PET117: variants seen among roughly 807,000 people sequenced by gnomAD.
PET117 encodes protein PET117 homolog, mitochondrial.
A neutral mutation model predicts 9.2 loss-of-function variants in PET117; 10 were observed. The ratio of observed to expected loss-of-function variants is 1.09; its 90% CI spans 0.67 to 1.85. PET117 has a LOEUF of 1.85. Among genes scored for constraint, PET117 ranks in the 40% most tolerant of loss-of-function variants. The pLI is 0.00. For missense variants in PET117, 96 were observed against 98.2 expected (o/e 0.98, Z 0.09); for synonymous variants, 43 against 37.1 (o/e 1.16, Z -0.57).
In PET117 at chr20:18,142,928, C is replaced by G; in HGVS notation, c.*571C>G. ...AAAATGGATACCAGCCAGTAAGGAG[C>G]TTCTCAATTCCTTTGATTTGTCAAT... On this transcript the variant is annotated 3_prime_UTR_variant, in exon 2 of 2. Transcript: ENST00000432901. 6.2e-7 allele frequency: 1 copy of G among 1,610,282 alleles called. No homozygotes were observed. The highest frequency in any genetic ancestry group is 1.3e-5 in the African/African-American group (1 of 75,002).
rs772427555 is a variant in PET117, at chr20:18,142,685, AGTC to A, written c.*329_*331del. ...GATGGATAGTAGCATCCACCTGAGT[AGTC>A]TGATCAGTCGGCATGATGACGAAGC... On this transcript the variant is annotated 3_prime_UTR_variant, in exon 2 of 2. Coordinates refer to ENST00000432901, the MANE Select transcript of PET117 (RefSeq NM_001164811.2). The A allele has an allele frequency of 1.1e-5, 17 of 1,614,098 alleles. No individual in the cohort carries two copies. In the South Asian group the frequency reaches 1.1e-4, roughly 10 times the overall value.
chr20:18,138,501 C>G (rs752593845), intron 1 of PET117: 1 of 975,922 alleles, frequency 1.0e-6, no homozygotes, highest in Non-Finnish European at 1.2e-6. Flanking sequence ...CCTCCTGGCC[C>G]AAGGTTGGGG....
rs1600214640 is a variant in PET117 at position 18,143,001 on chromosome 20, TAA to T, written c.*647_*648del. ...CCAACCTGTGAAAGAAACGTGAATG[TAA>T]AAGAGACCTAAATAAAAGGATAATT... On this transcript the variant is annotated 3_prime_UTR_variant, in exon 2 of 2. Coordinates refer to ENST00000432901, the MANE Select transcript of PET117 (RefSeq NM_001164811.2). The T allele has an allele frequency of 1.3e-5, 20 of 1,536,182 alleles. No individual in the cohort carries two copies. The East Asian group carries it at 4.4e-4, about 34-fold the overall frequency.
At chr20:18,141,768 C>A (rs1401944945) in intron 1 of PET117, among the ~76,000 whole-genome samples, 2 of 152,156 alleles carry the variant, frequency 1.3e-5, no homozygotes, top group Non-Finnish European at 2.9e-5. Context: ...CCTGTAGTCT[C>A]AGCTACTCGG....
rs370934662 is a variant in PET117, at chr20:18,142,716, C to T, written c.*359C>T. The T allele has an allele frequency of 1.2e-5, 19 of 1,614,200 alleles. No individual in the cohort carries two copies. The South Asian group carries it at 1.5e-4, about 13-fold the overall frequency. ...ATCAGTCGGCATGATGACGAAGCCA[C>T]GAGAACATCGACCTCAGAAGGACTG... On this transcript the variant is annotated 3_prime_UTR_variant, in exon 2 of 2. Transcript: ENST00000432901.
At chr20:18,138,519 C>T in intron 1 of PET117, 9 of 933,514 alleles carry the variant, frequency 9.6e-6, no homozygotes, top group Non-Finnish European at 1.2e-5. Context: ...GGGTTAAAGC[C>T]TAATGTGTTT....
chr20:18,142,578 C>G lies in PET117; in HGVS notation c.*221C>G. 1 of 1,569,856 alleles carries G rather than the reference C, an allele frequency of 6.4e-7. No individual in the cohort carries two copies. Among genetic ancestry groups the G allele is most frequent in the Non-Finnish European group, 8.6e-7 (1 of 1,156,140 alleles). The stretch of plus-strand genomic sequence containing the variant: ...TTTTGGAAGAGTCTGTCTGGGTGAT[C>G]CTGGTAGAAGCCCCATTAGGGTCAC... On this transcript the variant is annotated 3_prime_UTR_variant, in exon 2 of 2. Transcript: ENST00000432901.
At chr20:18,140,331 T>G (rs556109619) in intron 1 of PET117, among the ~76,000 whole-genome samples, 1 of 152,186 alleles carries the variant, frequency 6.6e-6, no homozygotes, top group African/African-American at 2.4e-5. Context: ...AGTTGAGTTA[T>G]ATCAATCCCG....
At chr20:18,138,188 C>A in intron 1 of PET117, 137 bp downstream of exon 1, 1 of 1,266,522 alleles carries the variant, frequency 7.9e-7, no homozygotes, top group Non-Finnish European at 9.9e-7. Context: ...GCACCCCACG[C>A]GTTTGCGGCT....
intron 1 of PET117, among the ~76,000 whole-genome samples, chr20:18,141,051 T>TTTTTTTTTTTTTTTTTTTTTTTTG: frequency 1.8e-5 from 2 of 109,704 alleles, no homozygotes; most frequent in Admixed American, 1.1e-4. Context: ...TTTTTTATTT[T>TTTTTTTTTTTTTTTTTTTTTTTTG]TATTTTTGCT....
Position 18,138,494 on chromosome 20 carries a change from C to T in PET117, c.96+443C>T, listed in dbSNP as rs554107322. ...CATTCTGCAAGCTACCAGCCTCCCT[C>T]CTGGCCCAAGGTTGGGGTTAAAGCC... On this transcript the variant is annotated intron_variant, in intron 1 of 1. Coordinates refer to ENST00000432901, the MANE Select transcript of PET117 (RefSeq NM_001164811.2). The T allele has an allele frequency of 2.5e-5, 25 of 982,684 alleles. No individual in the cohort carries two copies. The South Asian group carries it at 9.0e-4, about 35-fold the overall frequency. The allele number at this position is 982,684 out of a possible 1,614,324, so 60.9% of individuals were successfully genotyped here.
chr20:18,141,770 G>A (rs1291501100), intron 1 of PET117, among the ~76,000 whole-genome samples: 1 of 152,164 alleles, frequency 6.6e-6, no homozygotes, highest in African/African-American at 2.4e-5. Flanking sequence ...TGTAGTCTCA[G>A]CTACTCGGGA....
intron 1 of PET117, among the ~76,000 whole-genome samples, chr20:18,141,320 G>T (rs2037567850): frequency 6.6e-6 from 1 of 152,070 alleles, no homozygotes; most frequent in African/African-American, 2.4e-5. Flanking sequence ...GCTTACTAAG[G>T]TAACTACCAT....
chr20:18,137,884 C>G lies in PET117; in HGVS notation c.-72C>G, dbSNP rs1453831105. 7.2e-7 allele frequency: 1 copy of G among 1,392,794 alleles called. No homozygotes were observed. The highest frequency in any genetic ancestry group is 1.4e-5 in the South Asian group (1 of 68,996). The allele number at this position is 1,392,794 out of a possible 1,614,324, so 86.3% of individuals were successfully genotyped here. Reference sequence around the variant, plus strand: ...GGTCGAGCCTGGGCAGTACAGGCGGCGGTGCGCACTCTGCGGCGGCCTCTG... The same window carrying G: ...GGTCGAGCCTGGGCAGTACAGGCGGGGGTGCGCACTCTGCGGCGGCCTCTG... On this transcript the variant is annotated 5_prime_UTR_variant, in exon 1 of 2. Coordinates refer to ENST00000432901, the MANE Select transcript of PET117 (RefSeq NM_001164811.2).
At position 18,142,884 on chromosome 20, in the gene PET117, A is replaced by G. The variant is rs1158486164; in HGVS notation, c.*527A>G. On this transcript the variant is annotated 3_prime_UTR_variant, in exon 2 of 2. Coordinates refer to ENST00000432901, the MANE Select transcript of PET117 (RefSeq NM_001164811.2). ...TCTTGGATGGAGGAGCAGCTGTCCT[A>G]CTTCTGTGACAAGTGCCAAAAATGG... is the stretch of plus-strand genomic sequence containing the variant. 2 of 1,614,178 alleles carry G rather than the reference A, an allele frequency of 1.2e-6. No homozygotes were observed. Among genetic ancestry groups the G allele is most frequent in the South Asian group, 1.1e-5 (1 of 91,082 alleles).
intron 1 of PET117, among the ~76,000 whole-genome samples, chr20:18,141,287 C>G (rs1377318758): frequency 6.6e-6 from 1 of 152,030 alleles, no homozygotes; most frequent in Admixed American, 6.6e-5. Flanking sequence ...GGTCCACGTT[C>G]TGAAGTGCTG....
At chr20:18,139,177 G>A (rs539732908) in intron 1 of PET117, among the ~76,000 whole-genome samples, 2 of 152,196 alleles carry the variant, frequency 1.3e-5, no homozygotes, top group Non-Finnish European at 2.9e-5. Flanking sequence ...GAGGGGTTGA[G>A]ATGACTTAAC....
rs2037618167 is a variant in PET117, at chr20:18,142,304, C to T, written c.193C>T (p.Leu65Phe). ...AGAACAGATTATTTTGACTGAGCAA[C>T]TTGAAGCAGAAAGAGAGAAGATGTT... is the stretch of plus-strand genomic sequence containing the variant. ...LGEQIILTEQ[L>F]EAEREKMLLA... The change falls in exon 2 of 2, where the codon CTT (leucine) becomes TTT (phenylalanine). Residue 65 changes from leucine (L) to phenylalanine (F), a missense_variant. Leu to Phe is a conservative substitution (Grantham distance 22, BLOSUM62 0). Transcript: ENST00000432901. 6.5e-7 allele frequency: 1 copy of T among 1,536,926 alleles called. No homozygotes were observed.
rs771604234 is a variant in PET117, at chr20:18,142,667, A to G, written c.*310A>G. The G allele has an allele frequency of 6.8e-6, 11 of 1,614,174 alleles. No homozygotes were observed. The highest frequency in any genetic ancestry group is 6.7e-5 in the East Asian group (3 of 44,878). Reference sequence around the variant, plus strand: ...AGCTTGTGAGAAGGAAGGGATGGATAGTAGCATCCACCTGAGTAGTCTGAT... The same window carrying G: ...AGCTTGTGAGAAGGAAGGGATGGATGGTAGCATCCACCTGAGTAGTCTGAT... On this transcript the variant is annotated 3_prime_UTR_variant, in exon 2 of 2. Transcript: ENST00000432901.
Sources: allele counts gnomAD v4.1 joint callset (sites outside exome capture counted in the v4.1 genomes callset), GRCh38; gene constraint gnomAD v4.1.1; transcripts MANE v1.5; gene names NCBI Gene and HGNC (gene_info 2026-07-23, HGNC 2026-07-21).